Variants in PCSK4 observed in about 807,000 individuals in gnomAD.
PCSK4 encodes proprotein convertase subtilisin/kexin type 4, also known as testicular tissue protein Li 135.
Under a neutral mutation model 80.3 loss-of-function variants are expected in PCSK4, and 64 were observed. The ratio of observed to expected loss-of-function variants is 0.80; its 90% CI spans 0.65 to 0.98. PCSK4 has a LOEUF of 0.98. Among genes scored for constraint, PCSK4 ranks in the 50% least tolerant of loss-of-function variants. PCSK4 has a pLI of 0.00. For synonymous variants in PCSK4, 561 were observed against 487.6 expected (o/e 1.15, Z -1.98); for missense variants, 1,213 against 1,093.6 (o/e 1.11, Z -1.54).
At position 1,481,470 on chromosome 19, in the gene PCSK4, G is replaced by A. The variant is rs528565566; in HGVS notation, c.*289C>T. ...TTATTTGCAAACTCTGAGGTTGGAC[G>A]CGGTGCCCGAGGCGGACAGTGTCAC... On this transcript the variant is annotated 3_prime_UTR_variant, in exon 15 of 15. Transcript: ENST00000300954. 32 of 339,888 alleles carry A rather than the reference G, an allele frequency of 9.4e-5. 3 individuals carry two copies. In the South Asian group the frequency reaches 3.2e-3, roughly 34 times the overall value. 21.1% of individuals were successfully genotyped at this position (339,888 alleles called of 1,614,324 possible).
Position 1,484,065 on chromosome 19 carries a change from TG to T in PCSK4, c.1130del (p.Pro377HisfsTer6). On this transcript the variant is annotated frameshift_variant, in exon 9 of 15. Coordinates refer to ENST00000300954, the Ensembl canonical transcript of PCSK4. LOFTEE classifies it high-confidence loss of function. ...CTAGGGCGATCATGCCGGCCGCCAG[TG>T]GGGCTGAGGCCGAGGTGCCCGTGTG... is the stretch of plus-strand genomic sequence containing the variant. 1 of 1,563,694 alleles carries T rather than the reference TG, an allele frequency of 6.4e-7. No homozygotes were observed. The highest frequency in any genetic ancestry group is 1.9e-5 in the Admixed American group (1 of 53,426).
chr19:1,488,334 C>T (rs770395069), intron 2 of PCSK4, 54 bp from the exon 3 acceptor site: 27 of 1,442,916 alleles, frequency 1.9e-5, no homozygotes, highest in East Asian at 2.4e-5. Context: ...TGGGGCCCCT[C>T]GTGGTTCAGG....
chr19:1,489,910 G>T lies in PCSK4; in HGVS notation c.190-13C>A. 6.3e-7 allele frequency: 1 copy of T among 1,594,554 alleles called. No homozygotes were observed. The highest frequency in any genetic ancestry group is 2.3e-5 in the East Asian group (1 of 43,656). ...CGTCAGGGAAGATCTGGGGATGTGGGGAAGCGGCCGCACCGATGGGACCCG... is the reference window on the plus strand; with the variant it reads ...CGTCAGGGAAGATCTGGGGATGTGGTGAAGCGGCCGCACCGATGGGACCCG... On this transcript the variant is annotated splice_polypyrimidine_tract_variant and intron_variant, in intron 1 of 14. Transcript: ENST00000300954.
intron 6 of PCSK4, 137 bp downstream of exon 6, chr19:1,487,466 C>G (rs1305434387): frequency 7.0e-6 from 7 of 1,001,962 alleles, no homozygotes; most frequent in Non-Finnish European, 1.0e-5. Flanking sequence ...CAGCACCCCC[C>G]AAGCCCTGGA....
At chr19:1,487,564 C>T in intron 6 of PCSK4, 39 bp downstream of exon 6, 1 of 1,509,422 alleles carries the variant, frequency 6.6e-7, no homozygotes, top group Non-Finnish European at 9.0e-7. Flanking sequence ...CCCCTTCCCT[C>T]TCTGTCCCGG....
chr19:1,482,463 C>A lies in PCSK4; in HGVS notation c.1709G>T (p.Arg570Leu), dbSNP rs760175008. ...CGTCCCATAGAGCAGCAGCGTGTAG[C>A]GGTACAACGTCCCTGGACAGGGGTC... Residue 570 changes from arginine (R) to leucine (L), a missense_variant, in exon 14 of 15, where the codon CGC becomes CTC. Arg to Leu is a moderately radical substitution (Grantham distance 102, BLOSUM62 -2). Transcript: ENST00000300954. 1.9e-6 allele frequency: 3 copies of A among 1,604,944 alleles called. No homozygotes were observed. The Admixed American group carries it at 5.0e-5, about 27-fold the overall frequency.
chr19:1,486,875 C>T, exon 8 of PCSK4: 3 of 1,598,714 alleles, frequency 1.9e-6, no homozygotes, highest in Non-Finnish European at 2.5e-6. Context: ...GGTGGCCACG[C>T]CGCTGCTGTA....
At chr19:1,489,363 T>C (rs1445507179) in intron 2 of PCSK4, among the ~76,000 whole-genome samples, 2 of 152,104 alleles carry the variant, frequency 1.3e-5, no homozygotes, top group African/African-American at 4.8e-5. Context: ...CTCGATTTCC[T>C]GACCTTGTGA....
chr19:1,483,389 A>T, exon 12 of PCSK4: 1 of 1,605,940 alleles, frequency 6.2e-7, no homozygotes, highest in Non-Finnish European at 8.5e-7. Flanking sequence ...CACGTGCTCC[A>T]GCGAGCGGAT....
chr19:1,483,508 G>C (rs1484946301), intron 11 of PCSK4, 45 bp from the exon 12 acceptor site: 1 of 1,455,820 alleles, frequency 6.9e-7, no homozygotes, highest in Non-Finnish European at 9.4e-7. Context: ...CCTGCTGGGG[G>C]GTGGGTGGGC....
rs757557042 is a variant in PCSK4 at position 1,487,584 on chromosome 19, G to A, written c.682+19C>T. On this transcript the variant is annotated intron_variant, in intron 6 of 14. Transcript: ENST00000300954. Reference sequence around the variant, plus strand: ...TCCCTCTCTGTCCCGGAATGGTGCCGCTGGGGGACCCCGGGTACCTCCGAT... The same window carrying A: ...TCCCTCTCTGTCCCGGAATGGTGCCACTGGGGGACCCCGGGTACCTCCGAT... 35 of 1,540,670 alleles carry A rather than the reference G, an allele frequency of 2.3e-5. No homozygotes were observed. The highest frequency in any genetic ancestry group is 7.3e-5 in the East Asian group (3 of 40,906).
At chr19:1,488,582 A>AT (rs1000498097) in intron 2 of PCSK4, among the ~76,000 whole-genome samples, 3 of 150,190 alleles carry the variant, frequency 2.0e-5, no homozygotes, top group Non-Finnish European at 3.0e-5. Flanking sequence ...TCACTTCCTT[A>AT]TTTTTTTTCT....
chr19:1,490,587 C>G, upstream of PCSK4: 1 of 475,644 alleles, frequency 2.1e-6, no homozygotes, highest in South Asian at 3.7e-5. Context: ...CCCATTTGTA[C>G]AACGACAAGA....
chr19:1,483,826 G>C lies in PCSK4; in HGVS notation c.1273+12C>G, dbSNP rs1034183502. On this transcript the variant is annotated intron_variant, in intron 10 of 14. Transcript: ENST00000300954. The stretch of plus-strand genomic sequence containing the variant: ...GGCCCCGGGTCCCCGCCCCCGCCCG[G>C]CCCCGCCGCACCTTGGCGCCCCACG... The C allele has an allele frequency of 6.7e-7, 1 of 1,488,046 alleles. No individual in the cohort carries two copies. The highest frequency in any genetic ancestry group is 2.3e-5 in the Admixed American group (1 of 43,962). 92.2% of individuals were successfully genotyped at this position (1,488,046 alleles called of 1,614,324 possible). A position where few individuals can be genotyped will look rare whatever the true frequency, so the allele number is the denominator to read the frequency against.
intron 8 of PCSK4, among the ~76,000 whole-genome samples, chr19:1,484,971 C>A (rs578227690): frequency 4.6e-5 from 7 of 151,776 alleles, no homozygotes; most frequent in African/African-American, 1.5e-4. Flanking sequence ...CATGGTGAAA[C>A]CCCGTCTCTA....
At chr19:1,490,424 C>A, upstream of PCSK4, 1 of 576,784 alleles carries the variant, frequency 1.7e-6, no homozygotes, top group South Asian at 2.2e-5. Flanking sequence ...GCGTCCGACC[C>A]GCCCCCGGCG....
In PCSK4 at chr19:1,482,985, C is replaced by T. The variant is rs760850098; in HGVS notation, c.1607G>A (p.Trp536Ter). Reference sequence around the variant, plus strand: ...CCAGAAGTGGGTGGACATGAAGACCCAGTTGTTGTAGCCTTCAGTGCTGAC... The same window carrying T: ...CCAGAAGTGGGTGGACATGAAGACCTAGTTGTTGTAGCCTTCAGTGCTGAC... Residue 536 changes from tryptophan to a stop codon, truncating the protein, a stop_gained, in exon 13 of 15, where the codon TGG becomes TAG. Coordinates refer to ENST00000300954, the Ensembl canonical transcript of PCSK4. LOFTEE classifies it high-confidence loss of function. 3.2e-6 allele frequency: 5 copies of T among 1,553,650 alleles called. No homozygotes were observed. The Middle Eastern group carries it at 6.9e-4, about 216-fold the overall frequency.
exon 1 of PCSK4, chr19:1,490,296 G>A (rs1183160029): frequency 1.9e-6 from 3 of 1,566,178 alleles, no homozygotes; most frequent in Non-Finnish European, 2.6e-6. Flanking sequence ...GGCGGACAAG[G>A]GCCAGGGCCA....
At chr19:1,484,119 C>G in exon 9 of PCSK4, 1 of 1,557,152 alleles carries the variant, frequency 6.4e-7, no homozygotes, top group Non-Finnish European at 8.7e-7. Flanking sequence ...GATGCAGGTC[C>G]GTGGTGACCT....
Sources: allele counts gnomAD v4.1 joint callset (sites outside exome capture counted in the v4.1 genomes callset), GRCh38; gene constraint gnomAD v4.1.1; transcripts MANE v1.5; gene names NCBI Gene and HGNC (gene_info 2026-07-23, HGNC 2026-07-21).